CACNG7: variants seen among roughly 807,000 people sequenced by gnomAD.
CACNG7 encodes the protein calcium voltage-gated channel auxiliary subunit gamma 7, also known as voltage-dependent calcium channel gamma-7 subunit.
CACNG7 carries 9 observed loss-of-function variants against 26.3 expected under a neutral mutation model. The observed-to-expected ratio is 0.34, with a 90% CI of 0.21 to 0.60. The LOEUF (loss-of-function observed/expected upper bound fraction) is 0.60, where lower values mean the gene tolerates loss of function less well. Among genes scored for constraint, CACNG7 ranks in the 20% least tolerant of loss-of-function variants. The probability of loss-of-function intolerance (pLI) is 0.81; values close to 1 mark genes in which losing one functional copy is unlikely to be tolerated. For synonymous variants in CACNG7, 170 were observed against 157.0 expected (o/e 1.08, Z -0.62); for missense variants, 297 against 380.4 (o/e 0.78, Z 1.82).
intron 4 of CACNG7, among the ~76,000 whole-genome samples, chr19:53,921,252 G>C (rs1168179731): frequency 1.5e-5 from 2 of 132,100 alleles, no homozygotes; most frequent in African/African-American, 6.9e-5. Context: ...GTCATTGGTG[G>C]AGTTGCCCCA....
At chr19:53,916,487 CTTTTTTTTTTTT>C (rs397706471) in intron 4 of CACNG7, among the ~76,000 whole-genome samples, 1 of 95,466 alleles carries the variant, frequency 1.0e-5, no homozygotes, top group Non-Finnish European at 2.0e-5. Flanking sequence ...TTCTTTCTTT[CTTTTTTTTTTTT>C]TTTTTTTTGA....
intron 2 of CACNG7, 139 bp from the exon 3 acceptor site, chr19:53,914,361 G>A: frequency 1.6e-6 from 1 of 642,836 alleles, no homozygotes; most frequent in Non-Finnish European, 2.8e-6. Context: ...CACCCCTGGA[G>A]TAGTACAGCT....
intron 4 of CACNG7, among the ~76,000 whole-genome samples, chr19:53,925,864 A>C (rs1457447953): frequency 6.6e-6 from 1 of 152,146 alleles, no homozygotes; most frequent in East Asian, 1.9e-4. Flanking sequence ...TGAGAGAGGG[A>C]TATTGATGGA....
rs1207905541 is a variant in CACNG7, at chr19:53,939,903, T to C, written c.425-1567T>C. Among the ~76,000 whole-genome samples the C allele has an allele frequency of 6.6e-6, 1 of 152,212 alleles. No individual in the cohort carries two copies. Among genetic ancestry groups the C allele is most frequent in the Non-Finnish European group, 1.5e-5 (1 of 68,030 alleles). ...CCACAAAATACCAGTCTTGTTTTGA[T>C]TTTTAACATCATTTACTTATGTGAA... On this transcript the variant is annotated intron_variant, in intron 4 of 5. Coordinates refer to ENST00000391767, the MANE Select transcript of CACNG7 (RefSeq NM_031896.5). This position sits in a 1 kb window ranked among gnomAD's most constrained non-coding sequence, Gnocchi z 4.2.
Position 53,940,600 on chromosome 19 carries a change from C to T in CACNG7, c.425-870C>T, listed in dbSNP as rs769249670. Among the ~76,000 whole-genome samples the T allele has an allele frequency of 2.0e-5, 3 of 152,084 alleles. No homozygotes were observed. The highest frequency in any genetic ancestry group is 2.9e-5 in the Non-Finnish European group (2 of 68,024). ...ACACCCAGCTCCTGGGCCCGGCATT[C>T]GAGGCTCACCATGGCTATACCTTCC... On this transcript the variant is annotated intron_variant, in intron 4 of 5. Transcript: ENST00000391767. The surrounding 1 kb of genome is among the most constrained non-coding windows in gnomAD (Gnocchi z 4.1).
In CACNG7 at chr19:53,942,698, G is replaced by T; in HGVS notation, c.*405G>T. ...GACCTCACCGCAGGGGCGCTGGGCTGGAGAGCAGGTTCGGGCAGCCGTCGG... is the reference window on the plus strand; with the variant it reads ...GACCTCACCGCAGGGGCGCTGGGCTTGAGAGCAGGTTCGGGCAGCCGTCGG... On this transcript the variant is annotated 3_prime_UTR_variant, in exon 6 of 6. Transcript: ENST00000391767. The surrounding 1 kb of genome is among the most constrained non-coding windows in gnomAD (Gnocchi z 5.9). 1.9e-6 allele frequency: 1 copy of T among 516,032 alleles called. No individual in the cohort carries two copies. Among genetic ancestry groups the T allele is most frequent in the Non-Finnish European group, 2.6e-6 (1 of 382,416 alleles). The allele number at this position is 516,032 out of a possible 1,614,324, so 32.0% of individuals were successfully genotyped here.
chr19:53,934,523 C>G (rs1380572126), intron 4 of CACNG7, among the ~76,000 whole-genome samples: 7 of 152,006 alleles, frequency 4.6e-5, no homozygotes, highest in Non-Finnish European at 1.5e-5. Context: ...GCCTGTAATC[C>G]TAGCAGTTTG....
chr19:53,941,796 G>A, intron 5 of CACNG7, 181 bp downstream of exon 5: 1 of 880,944 alleles, frequency 1.1e-6, no homozygotes. Flanking sequence ...TCCAACTTTT[G>A]GGATCCTGGG....
At chr19:53,916,867 G>A (rs555079890) in intron 4 of CACNG7, among the ~76,000 whole-genome samples, 2 of 134,044 alleles carry the variant, frequency 1.5e-5, no homozygotes, top group Admixed American at 1.5e-4. Flanking sequence ...GCGTGATCTC[G>A]GCCCATTGCA....
chr19:53,921,378 TC>T (rs2068949667), intron 4 of CACNG7, among the ~76,000 whole-genome samples: 3 of 130,034 alleles, frequency 2.3e-5, no homozygotes, highest in African/African-American at 3.1e-5. Flanking sequence ...CCAGGTCTGG[TC>T]ATTGGTGGAG....
At chr19:53,936,960 T>C (rs1325618140) in intron 4 of CACNG7, among the ~76,000 whole-genome samples, 1 of 151,914 alleles carries the variant, frequency 6.6e-6, no homozygotes. Flanking sequence ...CAGGCGGGAG[T>C]GCAGTGGTGC....
chr19:53,917,644 T>C (rs2068907185), intron 4 of CACNG7, among the ~76,000 whole-genome samples: 1 of 152,190 alleles, frequency 6.6e-6, no homozygotes, highest in Non-Finnish European at 1.5e-5. Flanking sequence ...ACACGGAGAA[T>C]ATCACGATCC....
rs1568775173 is a variant in CACNG7, at chr19:53,922,155, T to TCTGGTCATTGGTGGAGTTGTCCCAGG, written c.424+6670_424+6695dup. Among the ~76,000 whole-genome samples, 9 of 98,516 alleles carry TCTGGTCATTGGTGGAGTTGTCCCAGG rather than the reference T, an allele frequency of 9.1e-5. 1 individual carries two copies. The highest frequency in any genetic ancestry group is 1.2e-4 in the Non-Finnish European group (6 of 50,622). The allele number at this position is 98,516 out of a possible 152,430, so 64.6% of individuals were successfully genotyped here. On this transcript the variant is annotated intron_variant, in intron 4 of 5. Transcript: ENST00000391767. ...GGTCATTGGTGGAGTTGTCCCCAGG[T>TCTGGTCATTGGTGGAGTTGTCCCAGG]CTGGTCATTGGTGGAGTTGTCCCAG...
chr19:53,913,658 C>T (rs115735951), intron 2 of CACNG7, among the ~76,000 whole-genome samples: 4,663 of 151,684 alleles, frequency 0.031, 203 homozygotes, highest in African/African-American at 0.1. Context: ...CTGGCATGCA[C>T]CTGTAGTTCC....
intron 4 of CACNG7, among the ~76,000 whole-genome samples, chr19:53,933,527 C>T (rs2069087004): frequency 6.6e-6 from 1 of 151,928 alleles, no homozygotes; most frequent in African/African-American, 2.4e-5. Flanking sequence ...GTCTCAAACT[C>T]CTGACCTCAG....
In CACNG7 at chr19:53,921,629, A is replaced by ACTTGCCCCAGATCTG. The variant is rs1568774544; in HGVS notation, c.424+6124_424+6125insCTTGCCCCAGATCTG. Among the ~76,000 whole-genome samples the ACTTGCCCCAGATCTG allele has an allele frequency of 2.1e-3, 138 of 64,780 alleles. 4 individuals are homozygous for ACTTGCCCCAGATCTG. The highest frequency in any genetic ancestry group is 4.5e-3 in the East Asian group (12 of 2,688). The allele number at this position is 64,780 out of a possible 152,430, so 42.5% of individuals were successfully genotyped here. On this transcript the variant is annotated intron_variant, in intron 4 of 5. Transcript: ENST00000391767. ...CGTCCCCAGGTCTGGTCATTGGTGGAGTCGTCCCCAGGTCTGGTCATTGGT... is the reference window on the plus strand; with the variant it reads ...CGTCCCCAGGTCTGGTCATTGGTGGACTTGCCCCAGATCTGGTCGTCCCCAGGTCTGGTCATTGGT...
intron 4 of CACNG7, among the ~76,000 whole-genome samples, chr19:53,921,956 G>GC (rs2068960467): frequency 1.2e-5 from 1 of 83,082 alleles, no homozygotes; most frequent in Non-Finnish European, 2.2e-5. Context: ...TGGTGGAGTT[G>GC]CCCCAGGCCT....
chr19:53,910,538 G>T (rs757949889), intron 1 of CACNG7, among the ~76,000 whole-genome samples: 12 of 152,116 alleles, frequency 7.9e-5, no homozygotes, highest in Non-Finnish European at 1.8e-4. Context: ...GGAGAATGTT[G>T]AGGGGTCTCA....
Position 53,914,622 on chromosome 19 carries a change from C to G in CACNG7, c.283+36C>G, listed in dbSNP as rs752428498. 1.4e-5 allele frequency: 22 copies of G among 1,576,532 alleles called. No homozygotes were observed. The East Asian group carries it at 4.9e-4, about 35-fold the overall frequency. ...GTGGGGGCACCTAGGCACAAGACAG[C>G]AAGATCACAGCCGAGTCGTGGAGTC... On this transcript the variant is annotated intron_variant, in intron 3 of 5. Transcript: ENST00000391767.
Sources: gnomAD v4.1 joint callset for allele counts (sites outside exome capture counted in the v4.1 genomes callset) on GRCh38, gnomAD v4.1.1 for gene constraint, Gnocchi (gnomAD v3.1) non-coding constraint, MANE v1.5 for transcripts, NCBI Gene and HGNC (gene_info 2026-07-23, HGNC 2026-07-21) for gene names.